Variants in PPM1E observed in about 807,000 individuals in gnomAD.
PPM1E encodes protein phosphatase, Mg2+/Mn2+ dependent 1E.
In PPM1E, 20 loss-of-function variants were observed where a neutral mutation model predicts 65.9. The ratio of observed to expected loss-of-function variants is 0.30; its 90% CI spans 0.21 to 0.44. The LOEUF (loss-of-function observed/expected upper bound fraction) is 0.44. Among genes scored for constraint, PPM1E ranks in the 20% least tolerant of loss-of-function variants. The pLI is 1.00. For synonymous variants in PPM1E, 352 were observed against 374.9 expected (o/e 0.94, Z 0.70); for missense variants, 713 against 953.1 (o/e 0.75, Z 3.32).
chr17:58,833,894 A>T (rs1040994146), intron 1 of PPM1E, among the ~76,000 whole-genome samples: 2 of 152,080 alleles, frequency 1.3e-5, no homozygotes, highest in African/African-American at 4.8e-5. Context: ...CCTTTCCGAC[A>T]TCTGTTGTTT....
chr17:58,769,845 G>A (rs1307635732), intron 1 of PPM1E, among the ~76,000 whole-genome samples: 1 of 151,884 alleles, frequency 6.6e-6, no homozygotes, highest in African/African-American at 2.4e-5. Flanking sequence ...TGACCAACAT[G>A]GCAAAACCCC....
intron 1 of PPM1E, among the ~76,000 whole-genome samples, chr17:58,806,216 C>T (rs2050312803): frequency 2.0e-5 from 3 of 151,646 alleles, no homozygotes; most frequent in Admixed American, 1.3e-4. Context: ...AGCAGCAAAC[C>T]TAGGTCTTTT....
intron 1 of PPM1E, among the ~76,000 whole-genome samples, chr17:58,822,274 G>A (rs1168188180): frequency 6.6e-6 from 1 of 152,114 alleles, no homozygotes; most frequent in Non-Finnish European, 1.5e-5. Flanking sequence ...TAAAATATGA[G>A]CAGCAGTGTG....
chr17:58,880,844 T>C (rs542159405), intron 1 of PPM1E, among the ~76,000 whole-genome samples: 1 of 152,198 alleles, frequency 6.6e-6, no homozygotes, highest in African/African-American at 2.4e-5. Context: ...CCCAGGCTGG[T>C]CTCAAACTCC....
At chr17:58,956,210 G>C (rs1745641489) in intron 2 of PPM1E, among the ~76,000 whole-genome samples, 1 of 152,166 alleles carries the variant, frequency 6.6e-6, no homozygotes. Flanking sequence ...GAGGTGGGCA[G>C]ATCACCTGAG....
chr17:58,968,620 C>T (rs140914809), intron 3 of PPM1E, among the ~76,000 whole-genome samples: 3 of 152,136 alleles, frequency 2.0e-5, no homozygotes, highest in African/African-American at 7.2e-5. Flanking sequence ...AAAAGACTTG[C>T]AAATGAAAAT....
intron 1 of PPM1E, among the ~76,000 whole-genome samples, chr17:58,806,698 C>CTT (rs57960498): frequency 1.2e-3 from 165 of 135,026 alleles, no homozygotes; most frequent in Middle Eastern, 3.7e-3. Context: ...GTTTTGTTTT[C>CTT]TTTTTTTTTT....
intron 1 of PPM1E, among the ~76,000 whole-genome samples, chr17:58,926,713 A>G (rs952835244): frequency 1.4e-4 from 21 of 152,110 alleles, no homozygotes; most frequent in African/African-American, 5.1e-4. Flanking sequence ...TACTATTTGT[A>G]TGGCATTTTT....
chr17:58,907,440 A>T (rs1462420696), intron 1 of PPM1E, among the ~76,000 whole-genome samples: 1 of 152,068 alleles, frequency 6.6e-6, no homozygotes, highest in Non-Finnish European at 1.5e-5. Flanking sequence ...GTTCCCTATG[A>T]GTTTGAGAAG....
intron 1 of PPM1E, among the ~76,000 whole-genome samples, chr17:58,850,438 T>G (rs925169960): frequency 6.6e-5 from 10 of 152,318 alleles, no homozygotes; most frequent in African/African-American, 2.4e-4. Context: ...CCAAGTTTAG[T>G]GCTTCCTTCA....
intron 1 of PPM1E, among the ~76,000 whole-genome samples, chr17:58,882,726 T>C (rs994140134): frequency 6.6e-6 from 1 of 151,902 alleles, no homozygotes; most frequent in African/African-American, 2.4e-5. Flanking sequence ...GTAGAGGTCT[T>C]TCCGTAGCAA....
intron 1 of PPM1E, among the ~76,000 whole-genome samples, chr17:58,806,380 G>C (rs1182758687): frequency 6.6e-6 from 1 of 151,852 alleles, no homozygotes; most frequent in Non-Finnish European, 1.5e-5. Flanking sequence ...GACAGTATAG[G>C]GATTGAGTTG....
intron 1 of PPM1E, among the ~76,000 whole-genome samples, chr17:58,900,597 T>C (rs781711062): frequency 3.3e-5 from 5 of 152,212 alleles, no homozygotes; most frequent in Non-Finnish European, 7.3e-5. Context: ...TTTGTACAGC[T>C]CACTTTATTG....
chr17:58,780,851 A>G (rs943217378), intron 1 of PPM1E, among the ~76,000 whole-genome samples: 14 of 152,076 alleles, frequency 9.2e-5, no homozygotes, highest in African/African-American at 3.1e-4. Flanking sequence ...CTAGATATTT[A>G]TAGCTTTTTA....
chr17:58,765,984 G>A (rs942991455), intron 1 of PPM1E, among the ~76,000 whole-genome samples: 9 of 147,680 alleles, frequency 6.1e-5, no homozygotes, highest in African/African-American at 1.3e-4. Context: ...AAGTTCAAGC[G>A]ATTCTCCTGC....
intron 2 of PPM1E, among the ~76,000 whole-genome samples, chr17:58,961,635 C>G (rs1040384154): frequency 6.6e-6 from 1 of 152,088 alleles, no homozygotes; most frequent in South Asian, 2.1e-4. Flanking sequence ...ATATTACTTC[C>G]TCTAACCAAG....
chr17:58,967,250 A>T (rs1415103063), intron 3 of PPM1E, among the ~76,000 whole-genome samples: 1 of 152,220 alleles, frequency 6.6e-6, no homozygotes, highest in Non-Finnish European at 1.5e-5. Context: ...AGAAATGCAG[A>T]AAAGTCTTAG....
At chr17:58,932,240 G>A (rs1340786482) in intron 1 of PPM1E, among the ~76,000 whole-genome samples, 2 of 151,870 alleles carry the variant, frequency 1.3e-5, no homozygotes, top group Non-Finnish European at 2.9e-5. Flanking sequence ...AGGCCGAGGT[G>A]GATGAATCAC....
intron 1 of PPM1E, among the ~76,000 whole-genome samples, chr17:58,923,767 C>A (rs568493805): frequency 1.9e-4 from 28 of 148,412 alleles, no homozygotes; most frequent in South Asian, 8.6e-4. Flanking sequence ...AAAAAAAAGT[C>A]ATTTGGACAT....
Sources: allele counts gnomAD v4.1 joint callset (sites outside exome capture counted in the v4.1 genomes callset), GRCh38; gene constraint gnomAD v4.1.1; transcripts MANE v1.5; gene names NCBI Gene and HGNC (gene_info 2026-07-23, HGNC 2026-07-21).